TRA2B: variants seen among roughly 807,000 people sequenced by gnomAD.
TRA2B encodes the protein transformer-2 protein homolog beta.
A neutral mutation model predicts 41.7 loss-of-function variants in TRA2B; 14 were observed. The ratio of observed to expected loss-of-function variants is 0.34; its 90% CI spans 0.22 to 0.53. The LOEUF (loss-of-function observed/expected upper bound fraction) is 0.53. Ranked by LOEUF, TRA2B falls within the 20% of genes least tolerant of loss-of-function variation. The pLI is 0.95. For missense variants in TRA2B, 167 were observed against 396.8 expected, an observed-to-expected ratio of 0.42 and a Z score of 4.92; for synonymous variants, 130 against 128.8, an observed-to-expected ratio of 1.01 and a Z score of -0.06.
chr3:185,924,156 G>T lies in TRA2B; in HGVS notation c.334-172C>A, dbSNP rs982640779. ...ACAGCAAGTACTACAAGTATTTTTG[G>T]GAATGGGTAGGAAAGAATGCAAAAG... On this transcript the variant is annotated intron_variant, in intron 3 of 8. Coordinates refer to ENST00000453386, the MANE Select transcript of TRA2B (RefSeq NM_004593.3). 5 of 481,604 alleles carry T rather than the reference G, an allele frequency of 1.0e-5. No individual in the cohort carries two copies. The East Asian group carries it at 1.4e-4, about 13-fold the overall frequency. 29.8% of individuals were successfully genotyped at this position (481,604 alleles called of 1,614,324 possible).
At chr3:185,917,767 TA>T (rs1161464510) in intron 8 of TRA2B, 42 bp from the exon 9 acceptor site, 1 of 1,596,550 alleles carries the variant, frequency 6.3e-7, no homozygotes, top group Non-Finnish European at 8.6e-7. Flanking sequence ...TTAAGTGAAC[TA>T]ATTATCAAGT....
At chr3:185,923,009 G>C (rs1743798691) in intron 4 of TRA2B, 1 of 152,210 alleles carries the variant, frequency 6.6e-6, no homozygotes, top group South Asian at 2.1e-4. Flanking sequence ...GCCGCGCATG[G>C]TGGCTCACAC....
intron 1 of TRA2B, among the ~76,000 whole-genome samples, chr3:185,934,239 AAATATACACAGC>A (rs1241852109): frequency 6.6e-6 from 1 of 152,194 alleles, no homozygotes; most frequent in Non-Finnish European, 1.5e-5. Context: ...AAGGCTCAAG[AAATATACACAGC>A]TGTAGCTCTG....
intron 1 of TRA2B, chr3:185,931,630 TTTC>T: frequency 7.7e-7 from 1 of 1,294,492 alleles, no homozygotes; most frequent in Non-Finnish European, 9.8e-7. Context: ...TTCATTTTTA[TTTC>T]TTTTCTTCAT....
intron 1 of TRA2B, chr3:185,927,983 G>C (rs1423976297): frequency 6.6e-6 from 1 of 152,186 alleles, no homozygotes; most frequent in Admixed American, 6.5e-5. Context: ...CAGTATTACA[G>C]TAAGTCACTA....
intron 5 of TRA2B, 71 bp from the exon 6 acceptor site, chr3:185,921,258 G>GCCTTTTCTGACACATTAACTTA: frequency 7.7e-7 from 1 of 1,307,180 alleles, no homozygotes; most frequent in African/African-American, 1.5e-5. Flanking sequence ...CTACTAGTAG[G>GCCTTTTCTGACACATTAACTTA]CCTTTTCTGA....
rs1335117656 is a variant in TRA2B at position 185,921,092 on chromosome 3, C to T, written c.722+12G>A. 4 of 1,612,110 alleles carry T rather than the reference C, an allele frequency of 2.5e-6. No individual in the cohort carries two copies. Among genetic ancestry groups the T allele is most frequent in the Non-Finnish European group, 3.4e-6 (4 of 1,178,460 alleles). Reference sequence around the variant, plus strand: ...GAGATTCAGACGTTGACCTTTCTACCTCATAACTTACCTGTATGATCTGCT... The same window carrying T: ...GAGATTCAGACGTTGACCTTTCTACTTCATAACTTACCTGTATGATCTGCT... On this transcript the variant is annotated intron_variant, in intron 6 of 8. Coordinates refer to ENST00000453386, the MANE Select transcript of TRA2B (RefSeq NM_004593.3).
At chr3:185,930,756 A>G (rs1460138351) in intron 1 of TRA2B, among the ~76,000 whole-genome samples, 4 of 152,218 alleles carry the variant, frequency 2.6e-5, no homozygotes, top group Non-Finnish European at 5.9e-5. Flanking sequence ...ATACCAGGTA[A>G]CCAGAATAAA....
intron 1 of TRA2B, among the ~76,000 whole-genome samples, chr3:185,929,272 A>G (rs1274976375): frequency 6.6e-6 from 1 of 152,212 alleles, no homozygotes; most frequent in Admixed American, 6.5e-5. Flanking sequence ...ACTTGCCTAC[A>G]AGAAATAAGA....
intron 4 of TRA2B, 96 bp from the exon 5 acceptor site, chr3:185,922,222 T>G (rs1743769360): frequency 7.9e-6 from 6 of 759,788 alleles, no homozygotes; most frequent in Non-Finnish European, 1.1e-5. Context: ...TTCAGTTAGG[T>G]GCATTAAGTT....
intron 1 of TRA2B, among the ~76,000 whole-genome samples, chr3:185,930,055 G>A (rs1174198385): frequency 6.6e-6 from 1 of 152,096 alleles, no homozygotes; most frequent in Non-Finnish European, 1.5e-5. Context: ...AGATGCTTTG[G>A]TCAAGGGGGA....
At chr3:185,936,301 CTTT>C (rs1305592199) in intron 1 of TRA2B, 4 of 985,424 alleles carry the variant, frequency 4.1e-6, no homozygotes, top group Non-Finnish European at 4.8e-6. Context: ...GAAGTCACGA[CTTT>C]TTAACAACTT....
chr3:185,931,926 G>GA (rs562003449), intron 1 of TRA2B: 3,630 of 704,516 alleles, frequency 5.2e-3, no homozygotes, highest in Non-Finnish European at 5.4e-3. Flanking sequence ...ACTGAAACTA[G>GA]AAAAAAAAAA....
At chr3:185,936,074 T>C (rs1744340571) in intron 1 of TRA2B, 1 of 985,272 alleles carries the variant, frequency 1.0e-6, no homozygotes, top group African/African-American at 1.7e-5. Context: ...TCACGTAAAA[T>C]ATACTAATGA....
chr3:185,918,306 ACT>A, intron 8 of TRA2B, 57 bp downstream of exon 8: 1 of 1,227,320 alleles, frequency 8.1e-7, no homozygotes, highest in Non-Finnish European at 1.2e-6. Flanking sequence ...AAGGGAATAC[ACT>A]GTCATCAGAG....
At position 185,914,877 on chromosome 3, in the gene TRA2B, A is replaced by G. The variant is rs1256678302; in HGVS notation, c.*2838T>C. Among the ~76,000 whole-genome samples the G allele has an allele frequency of 6.6e-6, 1 of 151,938 alleles. No homozygotes were observed. Among genetic ancestry groups the G allele is most frequent in the African/African-American group, 2.4e-5 (1 of 41,348 alleles). On this transcript the variant is annotated 3_prime_UTR_variant, in exon 9 of 9. Transcript: ENST00000453386. ...TTCTCGGTGAAACTTCTAATTCTCA[A>G]TTTCTCCTCCTGGGCCTTGCAGAAT... is the stretch of plus-strand genomic sequence containing the variant.
intron 3 of TRA2B, 96 bp from the exon 4 acceptor site, chr3:185,924,080 A>G: frequency 9.4e-7 from 1 of 1,064,342 alleles, no homozygotes. Context: ...TGTCACTAAC[A>G]AGAAAAGTAC....
chr3:185,937,160 T>G, intron 1 of TRA2B: 11 of 985,576 alleles, frequency 1.1e-5, no homozygotes, highest in Non-Finnish European at 1.3e-5. Flanking sequence ...GCGCTTCATT[T>G]AGGCCAAACA....
At chr3:185,933,929 C>T (rs1018217811) in intron 1 of TRA2B, among the ~76,000 whole-genome samples, 1 of 151,998 alleles carries the variant, frequency 6.6e-6, no homozygotes, top group Non-Finnish European at 1.5e-5. Flanking sequence ...AAAAGGGGCC[C>T]CTTATCCAAA....
Sources: gnomAD v4.1 joint callset for allele counts (sites outside exome capture counted in the v4.1 genomes callset) on GRCh38, gnomAD v4.1.1 for gene constraint, MANE v1.5 for transcripts, NCBI Gene and HGNC (gene_info 2026-07-23, HGNC 2026-07-21) for gene names.